The following SPAG16 variants were observed in gnomAD, a reference collection of about 807,000 sequenced individuals.
SPAG16 encodes the protein sperm associated antigen 16.
In SPAG16, 86 loss-of-function variants were observed where a neutral mutation model predicts 80.4. That is an observed-to-expected ratio of 1.07 (90% CI 0.90 to 1.28). SPAG16 has a LOEUF of 1.28. Ranked by LOEUF, SPAG16 falls within the 50% of genes most tolerant of loss-of-function variation. The pLI is 0.00. For missense variants in SPAG16, 870 were observed against 765.3 expected, an observed-to-expected ratio of 1.14 and a Z score of -1.61; for synonymous variants, 294 against 265.9, an observed-to-expected ratio of 1.11 and a Z score of -1.03.
At chr2:213,916,176 G>C (rs2077956085) in intron 11 of SPAG16, among the ~76,000 whole-genome samples, 1 of 152,176 alleles carries the variant, frequency 6.6e-6, no homozygotes, top group South Asian at 2.1e-4. Context: ...TTTTAGTCAT[G>C]AAGTCTTTGC....
At chr2:213,662,817 G>T (rs747941617) in intron 10 of SPAG16, among the ~76,000 whole-genome samples, 12 of 152,050 alleles carry the variant, frequency 7.9e-5, no homozygotes, top group South Asian at 4.2e-4. Context: ...GAGTTGCTGA[G>T]ATCTCTAAAG....
chr2:213,716,951 C>T (rs2066261610), intron 10 of SPAG16, among the ~76,000 whole-genome samples: 1 of 152,030 alleles, frequency 6.6e-6, no homozygotes, highest in African/African-American at 2.4e-5. Context: ...CCTGCACATC[C>T]TTTGGTTCAT....
At chr2:214,127,871 A>G (rs1039781603) in intron 14 of SPAG16, among the ~76,000 whole-genome samples, 4 of 151,910 alleles carry the variant, frequency 2.6e-5, no homozygotes, top group African/African-American at 7.2e-5. Context: ...AGTATGTACA[A>G]ATTTCTTTGG....
chr2:214,369,508 A>AG (rs1265220672), intron 15 of SPAG16, among the ~76,000 whole-genome samples: 1 of 152,106 alleles, frequency 6.6e-6, no homozygotes, highest in Non-Finnish European at 1.5e-5. Context: ...CCACTTAAAG[A>AG]GGGTCTGTAA....
intron 9 of SPAG16, among the ~76,000 whole-genome samples, chr2:213,401,464 A>G (rs1013287357): frequency 6.6e-6 from 1 of 152,248 alleles, no homozygotes; most frequent in Non-Finnish European, 1.5e-5. Flanking sequence ...ATAAAACTCA[A>G]GAACTGGTGA....
At chr2:213,311,547 G>T (rs570480519) in intron 4 of SPAG16, among the ~76,000 whole-genome samples, 47 of 151,684 alleles carry the variant, frequency 3.1e-4, no homozygotes, top group African/African-American at 1.1e-3. Context: ...TAAGATTACT[G>T]TTAGTATTAG....
At chr2:214,003,104 G>A (rs1178260398) in intron 12 of SPAG16, among the ~76,000 whole-genome samples, 1 of 152,198 alleles carries the variant, frequency 6.6e-6, no homozygotes, top group African/African-American at 2.4e-5. Context: ...GTTGCTGAAT[G>A]TGAAGTTGGG....
At chr2:214,101,272 G>C (rs1355525111) in intron 13 of SPAG16, among the ~76,000 whole-genome samples, 6 of 151,754 alleles carry the variant, frequency 4.0e-5, no homozygotes, top group Admixed American at 2.6e-4. Context: ...CTTGTGTTAT[G>C]GTAAAAAACA....
rs2075707800 is a variant in SPAG16 at position 213,866,827 on chromosome 2, ATATTT to A, written c.1214+4206_1214+4210del. ...TTTACTCTCTTTAAATGTTGACTAC[ATATTT>A]TATTTTTTTCCCTTAATAATAATGA... is the stretch of plus-strand genomic sequence containing the variant. On this transcript the variant is annotated intron_variant, in intron 11 of 15. Coordinates refer to ENST00000331683, the MANE Select transcript of SPAG16 (RefSeq NM_024532.5). Among the ~76,000 whole-genome samples, 3 of 152,306 alleles carry A rather than the reference ATATTT, an allele frequency of 2.0e-5. No individual in the cohort carries two copies. In the South Asian group the frequency reaches 6.2e-4, roughly 32 times the overall value.
chr2:214,011,406 A>G (rs570208060), intron 12 of SPAG16, among the ~76,000 whole-genome samples: 2 of 148,900 alleles, frequency 1.3e-5, no homozygotes, highest in South Asian at 4.2e-4. Flanking sequence ...ACCCAAGTAT[A>G]CTCGTAAATA....
At chr2:214,326,716 C>G (rs1162752652) in intron 15 of SPAG16, among the ~76,000 whole-genome samples, 2 of 152,032 alleles carry the variant, frequency 1.3e-5, no homozygotes, top group Admixed American at 6.5e-5. Flanking sequence ...GAGGCCGAGG[C>G]AGGCGGATCA....
intron 11 of SPAG16, among the ~76,000 whole-genome samples, chr2:213,882,491 T>A (rs2076382787): frequency 6.6e-6 from 1 of 152,208 alleles, no homozygotes; most frequent in Admixed American, 6.5e-5. Flanking sequence ...GATTTTGATA[T>A]TTACCTATTC....
chr2:213,453,392 A>G (rs2071815747), intron 9 of SPAG16, among the ~76,000 whole-genome samples: 1 of 152,218 alleles, frequency 6.6e-6, no homozygotes, highest in Non-Finnish European at 1.5e-5. Context: ...GTGACAGTAT[A>G]TTTTTAACAT....
At chr2:213,397,183 A>G (rs1297232658) in intron 9 of SPAG16, among the ~76,000 whole-genome samples, 1 of 152,024 alleles carries the variant, frequency 6.6e-6, no homozygotes, top group African/African-American at 2.4e-5. Context: ...CACTCACACC[A>G]TAGCCATTTA....
chr2:213,347,609 G>A (rs1361087912), intron 6 of SPAG16, among the ~76,000 whole-genome samples: 1 of 152,182 alleles, frequency 6.6e-6, no homozygotes, highest in Non-Finnish European at 1.5e-5. Context: ...TGGTTTCAAA[G>A]AACATCTTTA....
intron 13 of SPAG16, among the ~76,000 whole-genome samples, chr2:214,045,345 A>G (rs1228046173): frequency 1.3e-5 from 2 of 152,158 alleles, no homozygotes; most frequent in East Asian, 3.9e-4. Context: ...AGGATCCATC[A>G]CCTGTTGATT....
At chr2:214,352,596 A>AT (rs1293563744) in intron 15 of SPAG16, among the ~76,000 whole-genome samples, 1,076 of 11,078 alleles carry the variant, frequency 0.097, 13 homozygotes, top group African/African-American at 0.24. Context: ...ATCTCCTAAC[A>AT]TTTTTTTTTC....
At chr2:214,108,313 T>G in intron 14 of SPAG16, 52 bp downstream of exon 14, 2 of 1,414,692 alleles carry the variant, frequency 1.4e-6, no homozygotes, top group South Asian at 1.2e-5. Flanking sequence ...ATATACAAAT[T>G]CATTTTTATA....
chr2:214,363,770 G>A (rs1699318713), intron 15 of SPAG16, among the ~76,000 whole-genome samples: 1 of 152,038 alleles, frequency 6.6e-6, no homozygotes, highest in Non-Finnish European at 1.5e-5. Context: ...GAAGGTAATA[G>A]GGGTTACAGA....
Sources: allele counts gnomAD v4.1 joint callset (sites outside exome capture counted in the v4.1 genomes callset), GRCh38; gene constraint gnomAD v4.1.1; transcripts MANE v1.5; gene names NCBI Gene and HGNC (gene_info 2026-07-23, HGNC 2026-07-21).